The following SCN9A variants were observed in gnomAD, a reference collection of about 807,000 sequenced individuals.
The protein encoded by SCN9A is sodium voltage-gated channel alpha subunit 9.
SCN9A carries 131 observed loss-of-function variants against 187.0 expected under a neutral mutation model. The observed-to-expected ratio is 0.70, with a 90% CI of 0.61 to 0.81. The LOEUF (loss-of-function observed/expected upper bound fraction) is 0.81, where lower values mean the gene tolerates loss of function less well. Ranked by LOEUF, SCN9A falls within the 30% of genes least tolerant of loss-of-function variation. The pLI is 0.00. For missense variants in SCN9A, 2,252 were observed against 2,396.6 expected, an observed-to-expected ratio of 0.94 and a Z score of 1.26; for synonymous variants, 809 against 808.6, an observed-to-expected ratio of 1.00 and a Z score of -0.01.
At chr2:166,276,935 A>C (rs1463892660) in intron 16 of SCN9A, 48 bp downstream of exon 16, 1 of 1,491,462 alleles carries the variant, frequency 6.7e-7, no homozygotes, top group African/African-American at 1.4e-5. Flanking sequence ...ATCATCACAA[A>C]ATAATTTCCA....
At chr2:166,348,376 T>C (rs1699953852) in intron 1 of SCN9A, among the ~76,000 whole-genome samples, 2 of 152,146 alleles carry the variant, frequency 1.3e-5, no homozygotes, top group Non-Finnish European at 2.9e-5. Flanking sequence ...CCAGTGCTAG[T>C]AATAAAAAGT....
chr2:166,303,646 A>T (rs946750902), intron 6 of SCN9A, among the ~76,000 whole-genome samples: 1 of 152,212 alleles, frequency 6.6e-6, no homozygotes, highest in African/African-American at 2.4e-5. Context: ...ATATAGTGAC[A>T]CCTTGTAATA....
rs186458745 is a variant in SCN9A, at chr2:166,264,976, T to G, written c.3351+7423A>C. ...ATTGTACATATTTATGGGGTACATG[T>G]GATAGTTTGATACATGTATACATTA... On this transcript the variant is annotated intron_variant, in intron 17 of 26. Coordinates refer to ENST00000642356, the MANE Select transcript of SCN9A (RefSeq NM_001365536.1). Among the ~76,000 whole-genome samples the G allele has an allele frequency of 3.5e-3, 530 of 152,122 alleles. 2 individuals carry two copies. Among genetic ancestry groups the G allele is most frequent in the African/African-American group, 0.012 (479 of 41,550 alleles).
chr2:166,219,495 CACTT>C (rs1694487801), intron 24 of SCN9A, among the ~76,000 whole-genome samples: 1 of 151,978 alleles, frequency 6.6e-6, no homozygotes, highest in South Asian at 2.1e-4. Context: ...CACATGTTCT[CACTT>C]ATAAGTGGGA....
At chr2:166,335,427 A>G (rs1699602767) in intron 1 of SCN9A, among the ~76,000 whole-genome samples, 1 of 152,154 alleles carries the variant, frequency 6.6e-6, no homozygotes, top group African/African-American at 2.4e-5. Context: ...CTGACATTAT[A>G]TAAGGTTTGG....
At chr2:166,275,411 C>T (rs1697188342) in intron 16 of SCN9A, among the ~76,000 whole-genome samples, 1 of 151,918 alleles carries the variant, frequency 6.6e-6, no homozygotes, top group African/African-American at 2.4e-5. Context: ...ATGACGAAAA[C>T]CTGTCTCTAC....
At chr2:166,294,465 G>T (rs1401280568) in intron 8 of SCN9A, 134 bp downstream of exon 8, 3 of 599,810 alleles carry the variant, frequency 5.0e-6, no homozygotes, top group Non-Finnish European at 8.7e-6. Context: ...TTTGCTGTGG[G>T]ACAGAATGAG....
At position 166,340,540 on chromosome 2, in the gene SCN9A, CCCTTTCTTTCTTTCTTTCTT is replaced by C. The variant is rs1189795623; in HGVS notation, c.-50-28754_-50-28735del. 3.1e-3 allele frequency among the ~76,000 whole-genome samples: 350 copies of C among 111,342 alleles called. 17 individuals are homozygous for C. The highest frequency in any genetic ancestry group is 4.2e-3 in the Middle Eastern group (1 of 236). The allele number at this position is 111,342 out of a possible 152,430, so 73.0% of individuals were successfully genotyped here. On this transcript the variant is annotated intron_variant, in intron 1 of 26. Coordinates refer to ENST00000642356, the MANE Select transcript of SCN9A (RefSeq NM_001365536.1). The stretch of plus-strand genomic sequence containing the variant: ...CTTCCCTCTCTCCTTTCTTTTCTTT[CCCTTTCTTTCTTTCTTTCTT>C]TCTTTCTTTCTTTCTTTCTTTCTTT...
chr2:166,298,805 A>G (rs1698429187), intron 7 of SCN9A: 1 of 152,202 alleles, frequency 6.6e-6, no homozygotes, highest in Admixed American at 6.5e-5. Context: ...ATGTTGGTGG[A>G]GAAACTCTCA....
intron 1 of SCN9A, among the ~76,000 whole-genome samples, chr2:166,342,524 T>G (rs1195103631): frequency 6.6e-6 from 1 of 152,144 alleles, no homozygotes; most frequent in Non-Finnish European, 1.5e-5. Context: ...ATTAAACCAT[T>G]AGAGTCAGAG....
intron 1 of SCN9A, among the ~76,000 whole-genome samples, chr2:166,370,853 G>T (rs190349718): frequency 6.6e-6 from 1 of 151,906 alleles, no homozygotes; most frequent in African/African-American, 2.4e-5. Context: ...TCATTGCAGG[G>T]CAGGATGCTA....
intron 7 of SCN9A, chr2:166,302,613 ATAT>A (rs562163326): frequency 6.6e-6 from 1 of 151,456 alleles, no homozygotes; most frequent in East Asian, 1.9e-4. Context: ...TTGATAATTA[ATAT>A]TATCATTATA....
intron 17 of SCN9A, among the ~76,000 whole-genome samples, chr2:166,271,484 G>A (rs1696981775): frequency 1.3e-5 from 2 of 152,020 alleles, no homozygotes; most frequent in East Asian, 3.9e-4. Context: ...AAAATCTATG[G>A]GTGAGCACTA....
intron 1 of SCN9A, among the ~76,000 whole-genome samples, chr2:166,354,997 G>A (rs1700119118): frequency 2.0e-5 from 3 of 151,920 alleles, no homozygotes; most frequent in Admixed American, 2.0e-4. Flanking sequence ...AGGCTGTGGT[G>A]CAATCATAGC....
Position 166,313,561 on chromosome 2 carries a change from C to T in SCN9A, c.-50-1755G>A, listed in dbSNP as rs191692191. Among the ~76,000 whole-genome samples the T allele has an allele frequency of 3.7e-4, 57 of 152,232 alleles. No individual in the cohort carries two copies. In the East Asian group the frequency reaches 0.011, roughly 28 times the overall value. ...TCCAGCTTCTTCACCTCTCAGCCTT[C>T]ATACAATTGGAGTTATGGCCTTGCT... On this transcript the variant is annotated intron_variant, in intron 1 of 26. Coordinates refer to ENST00000642356, the MANE Select transcript of SCN9A (RefSeq NM_001365536.1).
chr2:166,227,819 A>G, intron 22 of SCN9A, 96 bp from the exon 23 acceptor site: 1 of 698,322 alleles, frequency 1.4e-6, no homozygotes, highest in Non-Finnish European at 2.6e-6. Flanking sequence ...CACAATTATT[A>G]AGTAATACTA....
chr2:166,327,677 CTT>C (rs1491202256), intron 1 of SCN9A, among the ~76,000 whole-genome samples: 1 of 151,796 alleles, frequency 6.6e-6, no homozygotes, highest in African/African-American at 2.4e-5. Flanking sequence ...ATACAATCCT[CTT>C]TCCTCACTAC....
intron 19 of SCN9A, among the ~76,000 whole-genome samples, chr2:166,241,914 A>T (rs577470195): frequency 6.6e-6 from 1 of 152,054 alleles, no homozygotes; most frequent in Non-Finnish European, 1.5e-5. Context: ...AGGCAGGGGG[A>T]AAAGCTCTCA....
chr2:166,367,540 C>T lies in SCN9A; in HGVS notation c.-51+8157G>A, dbSNP rs78162977. Among the ~76,000 whole-genome samples the T allele has an allele frequency of 4.0e-3, 615 of 152,284 alleles. 18 individuals carry two copies. In the East Asian group the frequency reaches 0.079, roughly 20 times the overall value. On this transcript the variant is annotated intron_variant, in intron 1 of 26. Transcript: ENST00000642356. ...CTCAGCCTTCCAAAGTGCTGGATTA[C>T]GGGCGTAAGCCACCGCGCCTGGCCC... is the stretch of plus-strand genomic sequence containing the variant.
Sources: allele counts gnomAD v4.1 joint callset (sites outside exome capture counted in the v4.1 genomes callset), GRCh38; gene constraint gnomAD v4.1.1; transcripts MANE v1.5; gene names NCBI Gene and HGNC (gene_info 2026-07-23, HGNC 2026-07-21).